Variants in ALMS1 observed in about 807,000 individuals in gnomAD.
The protein encoded by ALMS1 is ALMS1 centrosome and basal body associated protein.
Under a neutral mutation model 352.2 loss-of-function variants are expected in ALMS1, and 271 were observed. The ratio of observed to expected loss-of-function variants is 0.77; its 90% CI spans 0.70 to 0.85. The LOEUF is 0.85. Among genes scored for constraint, ALMS1 ranks in the 40% least tolerant of loss-of-function variants. The pLI, the probability that ALMS1 is intolerant of heterozygous loss-of-function variation, is 0.00. For synonymous variants in ALMS1, 1,865 were observed against 1,761.2 expected (o/e 1.06, Z -1.48); for missense variants, 5,445 against 4,870.7 (o/e 1.12, Z -3.51).
intron 10 of ALMS1, among the ~76,000 whole-genome samples, chr2:73,510,651 C>T (rs906773002): frequency 3.3e-5 from 5 of 152,172 alleles, no homozygotes; most frequent in Non-Finnish European, 7.4e-5. Flanking sequence ...TGTCTGTCGA[C>T]CCCTGCTGGT....
intron 7 of ALMS1, among the ~76,000 whole-genome samples, chr2:73,444,664 G>T (rs1435096564): frequency 6.6e-6 from 1 of 152,120 alleles, no homozygotes; most frequent in Admixed American, 6.5e-5. Flanking sequence ...TGTATTGCAA[G>T]TTATTTAAAT....
intron 13 of ALMS1, among the ~76,000 whole-genome samples, chr2:73,556,260 T>A (rs1558692739): frequency 6.6e-6 from 1 of 152,126 alleles, no homozygotes; most frequent in Non-Finnish European, 1.5e-5. Context: ...ATTGAAGTAA[T>A]AAGAAGTAAG....
intron 16 of ALMS1, among the ~76,000 whole-genome samples, chr2:73,598,448 C>T (rs925853347): frequency 2.0e-5 from 3 of 152,138 alleles, no homozygotes; most frequent in Admixed American, 6.5e-5. Flanking sequence ...CCTACCTTTC[C>T]GAAAATCAAA....
At position 73,573,345 on chromosome 2, in the gene ALMS1, G is replaced by C; in HGVS notation, c.11468G>C (p.Arg3823Pro). 6.2e-7 allele frequency: 1 copy of C among 1,614,050 alleles called. No individual in the cohort carries two copies. The highest frequency in any genetic ancestry group is 8.5e-7 in the Non-Finnish European group (1 of 1,179,996). Residue 3823 changes from arginine to proline, a missense_variant, in exon 16 of 23, where the codon CGG becomes CCG. By Grantham distance (103) the Arg-to-Pro change is moderately radical (BLOSUM62 -2). Coordinates refer to ENST00000613296, the MANE Select transcript of ALMS1 (RefSeq NM_001378454.1). ...CAACAGAGGAGATACCTTGAGAAGCGGAGCAAACACAGCAAGAAAGTGCTG... is the reference window on the plus strand; with the variant it reads ...CAACAGAGGAGATACCTTGAGAAGCCGAGCAAACACAGCAAGAAAGTGCTG... ...TNQQRRYLEK[R>P]SKHSKKVLNT...
chr2:73,451,631 A>G lies in ALMS1; in HGVS notation c.5104A>G (p.Thr1702Ala). 6.2e-7 allele frequency: 1 copy of G among 1,614,094 alleles called. No individual in the cohort carries two copies. Among genetic ancestry groups the G allele is most frequent in the Non-Finnish European group, 8.5e-7 (1 of 1,179,992 alleles). The change falls in exon 8 of 23, where the codon ACT becomes GCT. Residue 1702 changes from threonine (T) to alanine (A), a missense_variant. Coordinates refer to ENST00000613296, the MANE Select transcript of ALMS1 (RefSeq NM_001378454.1). ...TGTTCCTGGACCAGATGCCCAGAAGACTGAGACACCATCAGTATCCTCTAG... is the reference window on the plus strand; with the variant it reads ...TGTTCCTGGACCAGATGCCCAGAAGGCTGAGACACCATCAGTATCCTCTAG... ...PPVPGPDAQK[T>A]ETPSVSSSLY...
intron 12 of ALMS1, among the ~76,000 whole-genome samples, chr2:73,549,693 C>A (rs1420051429): frequency 6.6e-6 from 1 of 152,188 alleles, no homozygotes; most frequent in African/African-American, 2.4e-5. Flanking sequence ...TGGAAATATT[C>A]TCTCTCCTGA....
At chr2:73,394,024 T>C (rs2103638102) in intron 1 of ALMS1, among the ~76,000 whole-genome samples, 1 of 152,250 alleles carries the variant, frequency 6.6e-6, no homozygotes, top group South Asian at 2.1e-4. Flanking sequence ...TCTCACCATG[T>C]TGCCCAGGCT....
At chr2:73,546,262 T>C (rs1290269801) in intron 12 of ALMS1, among the ~76,000 whole-genome samples, 1 of 152,202 alleles carries the variant, frequency 6.6e-6, no homozygotes, top group Non-Finnish European at 1.5e-5. Flanking sequence ...AATGTTCACT[T>C]AGTAGGATAT....
intron 9 of ALMS1, among the ~76,000 whole-genome samples, chr2:73,486,078 C>A (rs1011252543): frequency 6.6e-6 from 1 of 151,884 alleles, no homozygotes; most frequent in African/African-American, 2.4e-5. Context: ...TGTTCCTATT[C>A]GGCCATCTTG....
At chr2:73,521,730 A>G (rs1673684511) in intron 11 of ALMS1, among the ~76,000 whole-genome samples, 2 of 152,012 alleles carry the variant, frequency 1.3e-5, no homozygotes, top group African/African-American at 4.8e-5. Context: ...AGCCTGGGCG[A>G]CACAGCGAGA....
At chr2:73,425,235 G>A (rs1671356957) in intron 5 of ALMS1, among the ~76,000 whole-genome samples, 1 of 152,176 alleles carries the variant, frequency 6.6e-6, no homozygotes, top group African/African-American at 2.4e-5. Flanking sequence ...ACAAAAGATG[G>A]ATTCTTTGGA....
Position 73,599,534 on chromosome 2 carries a change from A to G in ALMS1, c.11668+13A>G. ...GGCATACAAGCAGGTAATTACTTGA[A>G]TCTAAACTTTTTCATTGAAATACAT... On this transcript the variant is annotated intron_variant, in intron 17 of 22. Transcript: ENST00000613296. The G allele has an allele frequency of 6.2e-7, 1 of 1,612,958 alleles. No individual in the cohort carries two copies. The highest frequency in any genetic ancestry group is 8.5e-7 in the Non-Finnish European group (1 of 1,179,246).
At chr2:73,555,245 A>G (rs1674519600) in intron 13 of ALMS1, among the ~76,000 whole-genome samples, 2 of 152,210 alleles carry the variant, frequency 1.3e-5, no homozygotes, top group African/African-American at 4.8e-5. Flanking sequence ...CTTATTTAAG[A>G]CATCATTTAC....
At chr2:73,468,676 CCT>C (rs1395504498) in intron 9 of ALMS1, among the ~76,000 whole-genome samples, 2 of 151,856 alleles carry the variant, frequency 1.3e-5, no homozygotes, top group Non-Finnish European at 2.9e-5. Context: ...TTTCACTTAG[CCT>C]CATGTGGTTC....
chr2:73,472,227 A>C (rs1431629841), intron 9 of ALMS1, among the ~76,000 whole-genome samples: 1 of 152,048 alleles, frequency 6.6e-6, no homozygotes, highest in African/African-American at 2.4e-5. Flanking sequence ...GGTAGGTATC[A>C]CAGGCAAAGC....
chr2:73,567,417 G>T (rs1421165277), intron 15 of ALMS1, among the ~76,000 whole-genome samples: 1 of 152,184 alleles, frequency 6.6e-6, no homozygotes, highest in Non-Finnish European at 1.5e-5. Flanking sequence ...TTTCCTAAAT[G>T]GAAATTACAA....
intron 9 of ALMS1, among the ~76,000 whole-genome samples, chr2:73,483,771 T>C (rs1394325389): frequency 1.3e-5 from 2 of 148,162 alleles, no homozygotes; most frequent in Non-Finnish European, 3.0e-5. Flanking sequence ...ATTGGGTGCA[T>C]ATATATTTAG....
intron 9 of ALMS1, among the ~76,000 whole-genome samples, chr2:73,482,220 T>A (rs1167291328): frequency 6.6e-6 from 1 of 152,222 alleles, no homozygotes; most frequent in Non-Finnish European, 1.5e-5. Context: ...GGGTTTGTCA[T>A]AGATAACTCT....
chr2:73,491,341 G>A lies in ALMS1; in HGVS notation c.9382G>A (p.Val3128Ile), dbSNP rs764937531. 1.5e-5 allele frequency: 24 copies of A among 1,614,020 alleles called. No individual in the cohort carries two copies. Among genetic ancestry groups the A allele is most frequent in the Middle Eastern group, 3.3e-4 (2 of 6,082 alleles). Residue 3128 changes from valine to isoleucine, a missense_variant, in exon 10 of 23, where the codon GTA becomes ATA. Val to Ile is a conservative substitution (Grantham distance 29). Coordinates refer to ENST00000613296, the MANE Select transcript of ALMS1 (RefSeq NM_001378454.1). ...TAAATCTTCACTGGATTTCCAAGTC[G>A]TACAGCCTTCTCTTCCAGACAGTAA... ...GPKSSLDFQV[V>I]QPSLPDSNTI...
Sources: allele counts gnomAD v4.1 joint callset (sites outside exome capture counted in the v4.1 genomes callset), GRCh38; gene constraint gnomAD v4.1.1; transcripts MANE v1.5; gene names NCBI Gene and HGNC (gene_info 2026-07-23, HGNC 2026-07-21).